DIXDC1: variants seen among roughly 807,000 people sequenced by gnomAD.
The protein encoded by DIXDC1 is DIX domain containing 1.
In DIXDC1, 64 loss-of-function variants were observed where a neutral mutation model predicts 103.1. That is an observed-to-expected ratio of 0.62 (90% CI 0.51 to 0.76). DIXDC1 has a LOEUF of 0.76. Among genes scored for constraint, DIXDC1 ranks in the 30% least tolerant of loss-of-function variants. DIXDC1 has a pLI of 0.00. For synonymous variants in DIXDC1, 266 were observed against 298.5 expected, an observed-to-expected ratio of 0.89 and a Z score of 1.12; for missense variants, 759 against 834.2, an observed-to-expected ratio of 0.91 and a Z score of 1.11.
At chr11:111,966,122 T>G (rs1268218387) in intron 2 of DIXDC1, among the ~76,000 whole-genome samples, 1 of 152,032 alleles carries the variant, frequency 6.6e-6, no homozygotes, top group Non-Finnish European at 1.5e-5. Flanking sequence ...CCATTCTATG[T>G]CTATACAAGT....
At chr11:111,951,714 C>T (rs1287062620) in intron 1 of DIXDC1, among the ~76,000 whole-genome samples, 8 of 152,160 alleles carry the variant, frequency 5.3e-5, no homozygotes, top group East Asian at 3.9e-4. Flanking sequence ...ATAAACCTCA[C>T]GATATCTGAT....
In DIXDC1 at chr11:111,929,642, G is replaced by A. The variant is rs192720084; in HGVS notation, c.-36-176G>A. The stretch of plus-strand genomic sequence containing the variant: ...AATGCCACTGGGATAGCCCTGTTGT[G>A]CTTGTAATATCTTCAGCTGGACTTC... On this transcript the variant is annotated intron_variant, in intron 1 of 5. Transcript: ENST00000529225. Among the ~76,000 whole-genome samples the A allele has an allele frequency of 2.6e-5, 4 of 151,538 alleles. No homozygotes were observed. The East Asian group carries it at 7.7e-4, about 29-fold the overall frequency.
At chr11:111,943,304 C>T (rs781981943) in intron 1 of DIXDC1, among the ~76,000 whole-genome samples, 20 of 151,496 alleles carry the variant, frequency 1.3e-4, no homozygotes, top group Non-Finnish European at 2.5e-4. Flanking sequence ...CTACCACACC[C>T]GGCTAATTTT....
At chr11:111,929,905 C>T (rs1965958254) in exon 2 of DIXDC1, 1 of 1,535,942 alleles carries the variant, frequency 6.5e-7, no homozygotes, top group Admixed American at 2.0e-5. Flanking sequence ...GCCAACAGAG[C>T]CTTCTGTAAG....
intron 7 of DIXDC1, among the ~76,000 whole-genome samples, chr11:111,984,001 T>C (rs2137556786): frequency 6.6e-6 from 1 of 152,358 alleles, no homozygotes; most frequent in South Asian, 2.1e-4. Context: ...TAATGTTGAA[T>C]GCCCTTAGCT....
At chr11:111,929,722 T>G in intron 1 of DIXDC1, 2 of 684,942 alleles carry the variant, frequency 2.9e-6, no homozygotes, top group South Asian at 4.1e-5. Context: ...TTGGTAGGTT[T>G]TGGGGAGGGG....
At chr11:111,932,509 C>T (rs1966059684), upstream of DIXDC1, among the ~76,000 whole-genome samples, 1 of 150,940 alleles carries the variant, frequency 6.6e-6, no homozygotes, top group Non-Finnish European at 1.5e-5. Flanking sequence ...TGGCGTGAAC[C>T]TGGGAGGTGG....
chr11:111,995,661 A>G, intron 16 of DIXDC1, 97 bp downstream of exon 16: 1 of 1,474,094 alleles, frequency 6.8e-7, no homozygotes, highest in Non-Finnish European at 9.2e-7. Context: ...AAGAGATACA[A>G]GACCCTGTTA....
intron 19 of DIXDC1, 97 bp from the exon 20 acceptor site, chr11:112,018,859 T>C: frequency 9.8e-7 from 1 of 1,020,260 alleles, no homozygotes; most frequent in Admixed American, 2.3e-5. Flanking sequence ...CTCAAGGCTT[T>C]CTTCTACATG....
At chr11:111,991,429 C>T (rs1360546592) in intron 10 of DIXDC1, among the ~76,000 whole-genome samples, 2 of 152,208 alleles carry the variant, frequency 1.3e-5, no homozygotes, top group Admixed American at 6.5e-5. Context: ...ATGCCAAGGG[C>T]ATCTTAGACT....
intron 1 of DIXDC1, among the ~76,000 whole-genome samples, chr11:111,953,837 C>T (rs782039487): frequency 1.3e-5 from 2 of 152,188 alleles, no homozygotes; most frequent in Non-Finnish European, 2.9e-5. Context: ...AAGTATTGTA[C>T]AGTAAGCTGT....
intron 17 of DIXDC1, among the ~76,000 whole-genome samples, chr11:112,005,953 C>A (rs139564729): frequency 6.6e-6 from 1 of 152,138 alleles, no homozygotes; most frequent in Admixed American, 6.5e-5. Flanking sequence ...GTGTAGCCCA[C>A]GGAGGGTGAA....
chr11:111,989,148 C>T, intron 10 of DIXDC1, 93 bp downstream of exon 10: 1 of 983,346 alleles, frequency 1.0e-6, no homozygotes, highest in Non-Finnish European at 1.5e-6. Flanking sequence ...TTCTGTGGAC[C>T]TTTAATAGCT....
intron 10 of DIXDC1, among the ~76,000 whole-genome samples, chr11:111,989,386 A>G (rs1860614951): frequency 6.6e-6 from 1 of 152,112 alleles, no homozygotes; most frequent in Admixed American, 6.6e-5. Context: ...GCACTTTGGG[A>G]GGCCGAGGCA....
chr11:112,011,348 T>C (rs995166413), intron 17 of DIXDC1, among the ~76,000 whole-genome samples: 7 of 152,338 alleles, frequency 4.6e-5, no homozygotes, highest in Non-Finnish European at 2.9e-5. Context: ...GCTTTTACAC[T>C]GTTGATGGAA....
chr11:111,980,371 G>A (rs1407501502), intron 5 of DIXDC1, among the ~76,000 whole-genome samples: 2 of 152,194 alleles, frequency 1.3e-5, no homozygotes, highest in African/African-American at 4.8e-5. Context: ...GTCTTTGAAC[G>A]TGGGCCCAGG....
At chr11:111,956,907 G>T (rs1373285565) in intron 1 of DIXDC1, among the ~76,000 whole-genome samples, 3 of 151,884 alleles carry the variant, frequency 2.0e-5, no homozygotes, top group African/African-American at 4.8e-5. Context: ...GAGTTCATGC[G>T]TGTAATCCCA....
chr11:111,968,691 C>T, intron 3 of DIXDC1, 53 bp downstream of exon 3: 1 of 1,515,260 alleles, frequency 6.6e-7, no homozygotes, highest in South Asian at 1.4e-5. Context: ...CCAGTGAGTG[C>T]TAGCCTCAGG....
chr11:112,013,321 T>TGGGGGGGGGGG (rs1403269609), intron 17 of DIXDC1, among the ~76,000 whole-genome samples: 57 of 35,716 alleles, frequency 1.6e-3, no homozygotes, highest in African/African-American at 2.0e-3. Context: ...GGTCGGGGGG[T>TGGGGGGGGGGG]GGGGGTGGGG....
Sources: gnomAD v4.1 joint callset for allele counts (sites outside exome capture counted in the v4.1 genomes callset) on GRCh38, gnomAD v4.1.1 for gene constraint, MANE v1.5 for transcripts, NCBI Gene and HGNC (gene_info 2026-07-23, HGNC 2026-07-21) for gene names.